Variants in RBMS3 observed in about 807,000 individuals in gnomAD.
RBMS3 encodes the protein RNA-binding motif, single-stranded-interacting protein 3.
A neutral mutation model predicts 66.8 loss-of-function variants in RBMS3; 27 were observed. That is an observed-to-expected ratio of 0.40 (90% confidence interval 0.30 to 0.56). The LOEUF is 0.56. Ranked by LOEUF, RBMS3 falls within the 20% of genes least tolerant of loss-of-function variation. RBMS3 has a pLI of 0.40. For missense variants in RBMS3, 513 were observed against 549.5 expected, an observed-to-expected ratio of 0.93 and a Z score of 0.66; for synonymous variants, 188 against 183.0, an observed-to-expected ratio of 1.03 and a Z score of -0.22.
At chr3:29,770,631 C>G (rs1454565193) in intron 6 of RBMS3, among the ~76,000 whole-genome samples, 2 of 151,974 alleles carry the variant, frequency 1.3e-5, no homozygotes, top group Admixed American at 1.3e-4. Flanking sequence ...GCACGAATTT[C>G]TGGACTGAAA....
At chr3:29,772,904 CAAG>C (rs2056271102) in intron 6 of RBMS3, among the ~76,000 whole-genome samples, 1 of 152,008 alleles carries the variant, frequency 6.6e-6, no homozygotes, top group South Asian at 2.1e-4. Context: ...GCATCTGAAA[CAAG>C]AAGCTTTGGG....
intron 8 of RBMS3, among the ~76,000 whole-genome samples, chr3:29,890,745 T>C (rs2149590845): frequency 6.6e-6 from 1 of 151,790 alleles, no homozygotes; most frequent in East Asian, 1.9e-4. Context: ...TTAACTTTTA[T>C]ATGTATAAAA....
At chr3:29,917,325 G>A (rs547464959) in intron 10 of RBMS3, among the ~76,000 whole-genome samples, 3 of 151,990 alleles carry the variant, frequency 2.0e-5, no homozygotes, top group Non-Finnish European at 4.4e-5. Context: ...CTTCCCACTT[G>A]GCGATGTCCT....
chr3:29,677,991 A>T (rs988846867), intron 4 of RBMS3, among the ~76,000 whole-genome samples: 1 of 152,176 alleles, frequency 6.6e-6, no homozygotes, highest in Non-Finnish European at 1.5e-5. Context: ...CCTGCATGAA[A>T]TCATGAGTAA....
intron 12 of RBMS3, among the ~76,000 whole-genome samples, chr3:29,983,636 C>A (rs1156248307): frequency 2.0e-5 from 3 of 151,948 alleles, no homozygotes; most frequent in Non-Finnish European, 4.4e-5. Flanking sequence ...TCAGCATTTG[C>A]TTGTCTGTAA....
intron 6 of RBMS3, among the ~76,000 whole-genome samples, chr3:29,861,013 G>A (rs376453164): frequency 0.013 from 1,991 of 152,166 alleles, 18 homozygotes; most frequent in Middle Eastern, 0.02. Context: ...ACAGGCGCCC[G>A]CCACCACGCC....
chr3:29,983,458 T>C (rs150441771), intron 12 of RBMS3, among the ~76,000 whole-genome samples: 391 of 152,326 alleles, frequency 2.6e-3, no homozygotes, highest in African/African-American at 8.9e-3. Context: ...CCTGTCATTA[T>C]GATGCTAGCT....
At chr3:29,760,142 C>A (rs2149379145) in intron 5 of RBMS3, among the ~76,000 whole-genome samples, 1 of 151,988 alleles carries the variant, frequency 6.6e-6, no homozygotes, top group East Asian at 2.0e-4. Context: ...GAAGGGAGGA[C>A]TTGAGGCTTT....
At chr3:29,930,749 T>A (rs1415919716) in intron 10 of RBMS3, among the ~76,000 whole-genome samples, 1 of 151,686 alleles carries the variant, frequency 6.6e-6, no homozygotes, top group East Asian at 1.9e-4. Flanking sequence ...TATATTTATA[T>A]GTCTCATATA....
chr3:29,711,268 G>A (rs2053153869), intron 4 of RBMS3, among the ~76,000 whole-genome samples: 1 of 152,172 alleles, frequency 6.6e-6, no homozygotes, highest in Admixed American at 6.6e-5. Context: ...TGTGCAAAGT[G>A]AAATCACAGA....
At chr3:29,787,704 C>G (rs2056866698) in intron 6 of RBMS3, among the ~76,000 whole-genome samples, 1 of 151,886 alleles carries the variant, frequency 6.6e-6, no homozygotes, top group African/African-American at 2.4e-5. Flanking sequence ...TTGGTGGTGG[C>G]AAGAAATAAA....
At chr3:29,552,931 G>C (rs1441869131) in intron 3 of RBMS3, among the ~76,000 whole-genome samples, 1 of 152,138 alleles carries the variant, frequency 6.6e-6, no homozygotes, top group Non-Finnish European at 1.5e-5. Flanking sequence ...ATGACCCTGA[G>C]TTAGTTCAAA....
intron 6 of RBMS3, among the ~76,000 whole-genome samples, chr3:29,861,071 GC>G (rs1157027181): frequency 6.6e-6 from 1 of 152,142 alleles, no homozygotes; most frequent in Non-Finnish European, 1.5e-5. Context: ...CACCGTGTTA[GC>G]CAGGATGTTC....
intron 4 of RBMS3, among the ~76,000 whole-genome samples, chr3:29,619,056 C>A (rs763699706): frequency 6.6e-6 from 1 of 151,662 alleles, no homozygotes; most frequent in African/African-American, 2.4e-5. Flanking sequence ...CATTTGACGT[C>A]GAAAATGATA....
chr3:29,649,191 GT>G (rs2050054113), intron 4 of RBMS3, among the ~76,000 whole-genome samples: 1 of 151,578 alleles, frequency 6.6e-6, no homozygotes, highest in African/African-American at 2.4e-5. Context: ...AATTTATTTA[GT>G]TTTTGAATAG....
intron 4 of RBMS3, among the ~76,000 whole-genome samples, chr3:29,677,937 G>A (rs1218099593): frequency 6.6e-6 from 1 of 152,152 alleles, no homozygotes; most frequent in Non-Finnish European, 1.5e-5. Flanking sequence ...AATACTCTGA[G>A]CCTCAGTTTC....
At chr3:29,613,004 C>T (rs770606129) in intron 4 of RBMS3, among the ~76,000 whole-genome samples, 1 of 152,132 alleles carries the variant, frequency 6.6e-6, no homozygotes, top group Non-Finnish European at 1.5e-5. Flanking sequence ...TCTTCTCTAT[C>T]TGCCTTGCCT....
In RBMS3 at chr3:29,809,223, A is replaced by T. The variant is rs2057651701; in HGVS notation, c.637+46234A>T. 2.6e-5 allele frequency among the ~76,000 whole-genome samples: 4 copies of T among 151,724 alleles called. No individual in the cohort carries two copies. In the South Asian group the frequency reaches 8.3e-4, roughly 31 times the overall value. ...TCTAAAAATCCTTTTTCGAAAGTTC[A>T]TTGGAGAATTTCATTCTTGTTATTT... On this transcript the variant is annotated intron_variant, in intron 6 of 14. Transcript: ENST00000383767.
chr3:29,711,040 G>A (rs771546537), intron 4 of RBMS3, among the ~76,000 whole-genome samples: 1 of 152,130 alleles, frequency 6.6e-6, no homozygotes, highest in African/African-American at 2.4e-5. Context: ...AAGCCCCCCA[G>A]TGGATGCCTG....
Sources: gnomAD v4.1 joint callset for allele counts (sites outside exome capture counted in the v4.1 genomes callset) on GRCh38, gnomAD v4.1.1 for gene constraint, MANE v1.5 for transcripts, NCBI Gene and HGNC (gene_info 2026-07-23, HGNC 2026-07-21) for gene names.